TC2N: variants seen among roughly 807,000 people sequenced by gnomAD.
The protein encoded by TC2N is tandem C2 domains nuclear protein.
TC2N carries 51 observed loss-of-function variants against 61.9 expected under a neutral mutation model. The observed-to-expected ratio is 0.82, with a 90% CI of 0.66 to 1.04. The LOEUF (loss-of-function observed/expected upper bound fraction) is 1.04, where lower values mean the gene tolerates loss of function less well. TC2N is among the 50% of genes least tolerant of loss of function. The pLI, the probability that TC2N is intolerant of heterozygous loss-of-function variation, is 0.00. For missense variants in TC2N, 556 were observed against 566.7 expected (o/e 0.98, Z 0.19); for synonymous variants, 204 against 192.6 (o/e 1.06, Z -0.49).
chr14:91,812,860 T>TA (rs1886844347), intron 2 of TC2N, among the ~76,000 whole-genome samples: 1 of 151,868 alleles, frequency 6.6e-6, no homozygotes, highest in Non-Finnish European at 1.5e-5. Context: ...TGCTTTCAAG[T>TA]AAAAATCTAG....
At chr14:91,785,477 A>T in intron 10 of TC2N, 116 bp from the exon 11 acceptor site, 1 of 710,040 alleles carries the variant, frequency 1.4e-6, no homozygotes, top group Admixed American at 2.8e-5. Flanking sequence ...AAAAATATAG[A>T]TAAGTCACTT....
At chr14:91,785,056 G>C (rs1436876886) in intron 11 of TC2N, 106 bp downstream of exon 11, 8 of 680,954 alleles carry the variant, frequency 1.2e-5, no homozygotes, top group Non-Finnish European at 1.9e-5. Context: ...TTATGATGCT[G>C]AAGAACTGTA....
intron 1 of TC2N, among the ~76,000 whole-genome samples, chr14:91,834,899 C>T (rs1434575753): frequency 6.6e-6 from 1 of 152,170 alleles, no homozygotes; most frequent in Non-Finnish European, 1.5e-5. Flanking sequence ...TTCTTACACC[C>T]TTACAGGATT....
intron 8 of TC2N, among the ~76,000 whole-genome samples, chr14:91,793,821 T>C (rs1326046297): frequency 6.6e-6 from 1 of 152,230 alleles, no homozygotes; most frequent in East Asian, 1.9e-4. Flanking sequence ...CCTCTAAGTG[T>C]TCAAGGGAAA....
Position 91,788,156 on chromosome 14 carries a change from C to T in TC2N, c.1048-529G>A, listed in dbSNP as rs547651279. On this transcript the variant is annotated intron_variant, in intron 9 of 11. Transcript: ENST00000435962. Reference sequence around the variant, plus strand: ...CTGAATGGAAGCAAGCTAAAGAAAGCTGGCAAGAAGGAAGCTAGTCAAAGT... The same window carrying T: ...CTGAATGGAAGCAAGCTAAAGAAAGTTGGCAAGAAGGAAGCTAGTCAAAGT... Among the ~76,000 whole-genome samples the T allele has an allele frequency of 3.9e-5, 6 of 152,020 alleles. No homozygotes were observed. In the South Asian group the frequency reaches 1.2e-3, roughly 32 times the overall value.
chr14:91,834,775 C>A (rs1887933362), intron 1 of TC2N, among the ~76,000 whole-genome samples: 1 of 152,176 alleles, frequency 6.6e-6, no homozygotes, highest in Non-Finnish European at 1.5e-5. Flanking sequence ...CCTAGATTTC[C>A]TCCTTTCCTG....
intron 9 of TC2N, among the ~76,000 whole-genome samples, chr14:91,788,330 T>C (rs888555641): frequency 6.6e-6 from 1 of 152,178 alleles, no homozygotes; most frequent in Non-Finnish European, 1.5e-5. Context: ...GTCTGTGAAA[T>C]ACAACACAAG....
rs71123304 is a variant in TC2N at position 91,853,649 on chromosome 14, TACACACAC to T, written c.-57+13605_-57+13612del. ...CTTGGATTTTTTTTTTTTTTTAAAG[TACACACAC>T]ACACACACACACACACACACACACA... On this transcript the variant is annotated intron_variant, in intron 1 of 11. Coordinates refer to ENST00000435962, the MANE Select transcript of TC2N (RefSeq NM_001128596.3). Among the ~76,000 whole-genome samples, 916 of 102,798 alleles carry T rather than the reference TACACACAC, an allele frequency of 8.9e-3. 11 individuals are homozygous for T. The highest frequency in any genetic ancestry group is 0.014 in the Admixed American group (155 of 11,150). 67.4% of individuals were successfully genotyped at this position (102,798 alleles called of 152,430 possible).
intron 1 of TC2N, among the ~76,000 whole-genome samples, chr14:91,827,525 C>T (rs938622296): frequency 3.3e-5 from 5 of 152,136 alleles, no homozygotes; most frequent in Admixed American, 1.3e-4. Context: ...TCTCTAACTC[C>T]GAATCTCCTA....
intron 1 of TC2N, among the ~76,000 whole-genome samples, chr14:91,865,033 G>C (rs931690253): frequency 5.9e-5 from 9 of 151,756 alleles, no homozygotes; most frequent in Admixed American, 3.9e-4. Context: ...GCCCACTTCG[G>C]CCTCCCAGAT....
chr14:91,826,122 C>T (rs1448313686), intron 1 of TC2N, among the ~76,000 whole-genome samples: 1 of 151,836 alleles, frequency 6.6e-6, no homozygotes, highest in East Asian at 1.9e-4. Flanking sequence ...AGTTCAAGAC[C>T]AGCCTGTACA....
At chr14:91,791,867 A>T (rs956541084) in intron 9 of TC2N, among the ~76,000 whole-genome samples, 19 of 152,220 alleles carry the variant, frequency 1.2e-4, no homozygotes, top group Admixed American at 1.2e-3. Context: ...CTGTAATCCC[A>T]GCACTTTGGG....
intron 9 of TC2N, among the ~76,000 whole-genome samples, chr14:91,789,358 A>T (rs1338882669): frequency 1.3e-5 from 2 of 151,834 alleles, no homozygotes; most frequent in Admixed American, 1.3e-4. Flanking sequence ...GCACTTTGGG[A>T]GGCCGAGGCA....
chr14:91,800,401 T>C (rs1209034964), intron 4 of TC2N, 29 bp from the exon 5 acceptor site: 12 of 1,314,708 alleles, frequency 9.1e-6, no homozygotes, highest in South Asian at 1.4e-5. Flanking sequence ...AAAGTATATA[T>C]TTTTAAGAAA....
At chr14:91,833,965 C>T (rs1887897991) in intron 1 of TC2N, among the ~76,000 whole-genome samples, 2 of 152,112 alleles carry the variant, frequency 1.3e-5, no homozygotes, top group Admixed American at 6.5e-5. Flanking sequence ...AAGTGAAACT[C>T]ATTATACAGA....
chr14:91,862,509 G>T (rs77063154), intron 1 of TC2N, among the ~76,000 whole-genome samples: 1 of 152,180 alleles, frequency 6.6e-6, no homozygotes, highest in Non-Finnish European at 1.5e-5. Flanking sequence ...GCAAAGGAGC[G>T]GAGTGGGGCT....
At chr14:91,814,042 A>G (rs1886895126) in intron 1 of TC2N, among the ~76,000 whole-genome samples, 1 of 151,428 alleles carries the variant, frequency 6.6e-6, no homozygotes, top group African/African-American at 2.4e-5. Context: ...GAACAATCTC[A>G]ATGTTAAAAT....
chr14:91,800,251 C>A, intron 5 of TC2N, 30 bp downstream of exon 5: 1 of 1,323,974 alleles, frequency 7.6e-7, no homozygotes, highest in South Asian at 1.3e-5. Flanking sequence ...GAAATTATCA[C>A]ATATAATTAA....
chr14:91,843,382 T>G (rs1888201331), intron 1 of TC2N, among the ~76,000 whole-genome samples: 1 of 152,180 alleles, frequency 6.6e-6, no homozygotes, highest in Admixed American at 6.5e-5. Context: ...CTCAAGTCAC[T>G]GGGCAGCACC....
Sources: allele counts gnomAD v4.1 joint callset (sites outside exome capture counted in the v4.1 genomes callset), GRCh38; gene constraint gnomAD v4.1.1; transcripts MANE v1.5; gene names NCBI Gene and HGNC (gene_info 2026-07-23, HGNC 2026-07-21).